TMTC1: variants seen among roughly 807,000 people sequenced by gnomAD.
The protein encoded by TMTC1 is transmembrane O-mannosyltransferase targeting cadherins 1, also known as protein O-mannosyl-transferase TMTC1.
In TMTC1, 73 loss-of-function variants were observed where a neutral mutation model predicts 104.8. That is an observed-to-expected ratio of 0.70 (90% CI 0.58 to 0.85). The LOEUF is 0.85. Ranked by LOEUF, TMTC1 falls within the 40% of genes least tolerant of loss-of-function variation. The pLI is 0.00. For synonymous variants in TMTC1, 434 were observed against 428.7 expected (o/e 1.01, Z -0.15); for missense variants, 1,035 against 1,096.1 (o/e 0.94, Z 0.79).
At chr12:29,679,940 T>C (rs1008924987) in intron 5 of TMTC1, among the ~76,000 whole-genome samples, 3 of 152,154 alleles carry the variant, frequency 2.0e-5, no homozygotes, top group African/African-American at 7.2e-5. Flanking sequence ...TCTCAATAAT[T>C]TGACCATATA....
intron 5 of TMTC1, chr12:29,661,419 ATTTTTT>A (rs773889232): frequency 8.1e-5 from 30 of 371,522 alleles, no homozygotes; most frequent in Non-Finnish European, 8.7e-5. Context: ...AGGTTAAGTA[ATTTTTT>A]TTTTTTTTTT....
Position 29,767,883 on chromosome 12 carries a change from T to C in TMTC1, c.480+15A>G. The C allele has an allele frequency of 6.2e-7, 1 of 1,612,560 alleles. No individual in the cohort carries two copies. Among genetic ancestry groups the C allele is most frequent in the East Asian group, 2.2e-5 (1 of 44,828 alleles). ...ATTCATATTCGTTATTTCACTGAGA[T>C]CCAATTACACTTACCGCCTCAGTAT... On this transcript the variant is annotated intron_variant, in intron 2 of 17. Coordinates refer to ENST00000539277, the MANE Select transcript of TMTC1 (RefSeq NM_001193451.2).
intron 5 of TMTC1, chr12:29,661,198 T>C (rs1279086639): frequency 1.3e-5 from 3 of 225,994 alleles, no homozygotes; most frequent in Non-Finnish European, 2.2e-5. Flanking sequence ...AGGACTCAGC[T>C]CTGTTAGCTA....
intron 6 of TMTC1, among the ~76,000 whole-genome samples, chr12:29,614,811 A>G (rs1018308720): frequency 6.6e-5 from 10 of 152,214 alleles, no homozygotes; most frequent in Non-Finnish European, 1.3e-4. Context: ...CTTACAAGGG[A>G]GTAGAAAATA....
At chr12:29,513,375 A>G (rs1943894554) in intron 16 of TMTC1, among the ~76,000 whole-genome samples, 1 of 152,118 alleles carries the variant, frequency 6.6e-6, no homozygotes, top group South Asian at 2.1e-4. Flanking sequence ...TAAGTTATTA[A>G]TAATGTTCAC....
intron 5 of TMTC1, among the ~76,000 whole-genome samples, chr12:29,675,630 A>ACACACACACACACC (rs1555185783): frequency 3.2e-5 from 3 of 94,938 alleles, no homozygotes; most frequent in East Asian, 2.8e-4. Context: ...ACACACACAC[A>ACACACACACACACC]CCCTCCATGA....
At chr12:29,644,586 A>G (rs1311356823) in intron 5 of TMTC1, among the ~76,000 whole-genome samples, 1 of 152,146 alleles carries the variant, frequency 6.6e-6, no homozygotes, top group African/African-American at 2.4e-5. Context: ...TCTTAGGGAA[A>G]CAAAACTAAG....
At chr12:29,598,015 A>T (rs540122986) in intron 7 of TMTC1, among the ~76,000 whole-genome samples, 1 of 152,326 alleles carries the variant, frequency 6.6e-6, no homozygotes, top group South Asian at 2.1e-4. Flanking sequence ...AGTGAAAACC[A>T]CCATTTGGGA....
intron 3 of TMTC1, among the ~76,000 whole-genome samples, chr12:29,756,831 G>C (rs962705448): frequency 2.0e-5 from 3 of 152,156 alleles, no homozygotes; most frequent in Admixed American, 2.0e-4. Context: ...ATTTGCAGTA[G>C]AGAGGCATTT....
At chr12:29,719,634 C>T (rs12582196) in intron 5 of TMTC1, among the ~76,000 whole-genome samples, 5,036 of 152,290 alleles carry the variant, frequency 0.033, 290 homozygotes, top group East Asian at 0.22. Context: ...CATTGACTCT[C>T]CCTCTTGGGT....
At position 29,506,716 on chromosome 12, in the gene TMTC1, T is replaced by C. The variant is rs2136122569; in HGVS notation, c.*130A>G. ...TGGGCTACCAGCAGATGTCCCAAAA[T>C]GTGTCACCCTGAACTCGGAATGAGA... On this transcript the variant is annotated 3_prime_UTR_variant, in exon 18 of 18. Transcript: ENST00000539277. 2 of 1,215,930 alleles carry C rather than the reference T, an allele frequency of 1.6e-6. No individual in the cohort carries two copies. Among genetic ancestry groups the C allele is most frequent in the Non-Finnish European group, 2.4e-6 (2 of 850,620 alleles). The allele number at this position is 1,215,930 out of a possible 1,614,324, so 75.3% of individuals were successfully genotyped here.
In TMTC1 at chr12:29,621,683, AAG is replaced by A; in HGVS notation, c.1128+11462_1128+11463del. On this transcript the variant is annotated intron_variant, in intron 6 of 17. Transcript: ENST00000539277. ...TTGAGATGTGTGGGAATTTTATTTA[AAG>A]AGAGCTCACAGGCTGACATTCTCTG... 2.0e-5 allele frequency among the ~76,000 whole-genome samples: 3 copies of A among 152,224 alleles called. 1 individual carries two copies. The South Asian group carries it at 6.2e-4, about 32-fold the overall frequency.
chr12:29,559,374 C>T (rs1289013111), intron 9 of TMTC1, among the ~76,000 whole-genome samples: 1 of 152,150 alleles, frequency 6.6e-6, no homozygotes, highest in East Asian at 1.9e-4. Flanking sequence ...CACTCATGAC[C>T]CCACTGCCAT....
intron 8 of TMTC1, among the ~76,000 whole-genome samples, chr12:29,582,686 T>C (rs1027353367): frequency 6.6e-6 from 1 of 152,160 alleles, no homozygotes; most frequent in Non-Finnish European, 1.5e-5. Context: ...GCTTCAATTG[T>C]TTGCCCCCAA....
At chr12:29,617,118 T>C (rs926188301) in intron 6 of TMTC1, among the ~76,000 whole-genome samples, 2 of 151,916 alleles carry the variant, frequency 1.3e-5, no homozygotes, top group African/African-American at 4.8e-5. Flanking sequence ...TCAAAAAACT[T>C]TGTCAGTTTT....
At chr12:29,592,375 C>T (rs943828516) in intron 7 of TMTC1, among the ~76,000 whole-genome samples, 2 of 152,102 alleles carry the variant, frequency 1.3e-5, no homozygotes, top group Non-Finnish European at 2.9e-5. Context: ...AAAAGAATCC[C>T]CAAAGACATT....
At chr12:29,569,038 C>A (rs1465599349) in intron 9 of TMTC1, 2 of 454,072 alleles carry the variant, frequency 4.4e-6, no homozygotes, top group Non-Finnish European at 8.8e-6. Context: ...AAAGCTAACA[C>A]TTGATGTTTG....
In TMTC1 at chr12:29,550,933, C is replaced by CAAAAAAAAAAAAAAAAA. The variant is rs200605964; in HGVS notation, c.1676+5907_1676+5923dup. Among the ~76,000 whole-genome samples the CAAAAAAAAAAAAAAAAA allele has an allele frequency of 1.1e-4, 12 of 108,328 alleles. 1 individual carries two copies. Among genetic ancestry groups the CAAAAAAAAAAAAAAAAA allele is most frequent in the African/African-American group, 4.7e-4 (12 of 25,292 alleles). The allele number at this position is 108,328 out of a possible 152,430, so 71.1% of individuals were successfully genotyped here. A position where few individuals can be genotyped will look rare whatever the true frequency, so the allele number is the denominator to read the frequency against. ...TGGGGGAGAGAGTGGGACTCCATCT[C>CAAAAAAAAAAAAAAAAA]AAAAAAAAAAAAAAAAAAAAAAAAA... is the stretch of plus-strand genomic sequence containing the variant. On this transcript the variant is annotated intron_variant, in intron 10 of 17. Transcript: ENST00000539277.
chr12:29,643,242 T>C (rs1938946033), intron 5 of TMTC1, among the ~76,000 whole-genome samples: 1 of 151,620 alleles, frequency 6.6e-6, no homozygotes, highest in South Asian at 2.1e-4. Flanking sequence ...TGGAGATTCC[T>C]TAAAGAACTA....
Sources: gnomAD v4.1 joint callset for allele counts (sites outside exome capture counted in the v4.1 genomes callset) on GRCh38, gnomAD v4.1.1 for gene constraint, MANE v1.5 for transcripts, NCBI Gene and HGNC (gene_info 2026-07-23, HGNC 2026-07-21) for gene names.